The following PPFIA2 variants were observed in gnomAD, a reference collection of about 807,000 sequenced individuals.
PPFIA2 encodes the protein liprin-alpha-2.
Under a neutral mutation model 175.5 loss-of-function variants are expected in PPFIA2, and 46 were observed. The ratio of observed to expected loss-of-function variants is 0.26; its 90% CI spans 0.21 to 0.34. PPFIA2 has a LOEUF of 0.34. Ranked by LOEUF, PPFIA2 falls within the 10% of genes least tolerant of loss-of-function variation. The probability of loss-of-function intolerance (pLI) is 1.00; values close to 1 mark genes in which losing one functional copy is unlikely to be tolerated. For synonymous variants in PPFIA2, 568 were observed against 511.4 expected (o/e 1.11, Z -1.49); for missense variants, 1,179 against 1,506.1 (o/e 0.78, Z 3.60).
chr12:81,718,815 G>A (rs1235247502), intron 3 of PPFIA2, among the ~76,000 whole-genome samples: 1 of 151,618 alleles, frequency 6.6e-6, no homozygotes, highest in African/African-American at 2.4e-5. Flanking sequence ...AGAGACAGCT[G>A]GCTGATGCAC....
chr12:81,675,842 A>G (rs2072406282), intron 4 of PPFIA2, among the ~76,000 whole-genome samples: 1 of 152,082 alleles, frequency 6.6e-6, no homozygotes, highest in African/African-American at 2.4e-5. Context: ...ATTTTTCCAC[A>G]TAAATACTTA....
At chr12:81,312,610 A>G (rs571858543) in intron 22 of PPFIA2, among the ~76,000 whole-genome samples, 19 of 152,308 alleles carry the variant, frequency 1.2e-4, no homozygotes, top group African/African-American at 4.3e-4. Context: ...GCCCAAGAAA[A>G]AAGAACAGCA....
At chr12:81,541,576 T>C (rs1257362053) in intron 4 of PPFIA2, among the ~76,000 whole-genome samples, 3 of 152,038 alleles carry the variant, frequency 2.0e-5, no homozygotes, top group Non-Finnish European at 2.9e-5. Context: ...CTTCTTTTGT[T>C]GAAAAATAAA....
intron 21 of PPFIA2, among the ~76,000 whole-genome samples, chr12:81,329,883 G>A (rs1284810046): frequency 6.6e-6 from 1 of 152,202 alleles, no homozygotes; most frequent in Non-Finnish European, 1.5e-5. Flanking sequence ...GGTCTCAGCT[G>A]GGGGTGCCTT....
At chr12:81,327,623 A>G (rs898905876) in intron 21 of PPFIA2, among the ~76,000 whole-genome samples, 1 of 152,168 alleles carries the variant, frequency 6.6e-6, no homozygotes, top group African/African-American at 2.4e-5. Context: ...GACATATTCA[A>G]TAAACAAGGA....
intron 4 of PPFIA2, among the ~76,000 whole-genome samples, chr12:81,540,314 G>T (rs540278031): frequency 4.6e-5 from 7 of 152,004 alleles, no homozygotes; most frequent in Non-Finnish European, 8.8e-5. Context: ...AGAATGGAAA[G>T]AGCTATGTTT....
chr12:81,564,476 T>C (rs1490762943), intron 4 of PPFIA2, among the ~76,000 whole-genome samples: 1 of 152,162 alleles, frequency 6.6e-6, no homozygotes, highest in Non-Finnish European at 1.5e-5. Context: ...TGAACTGCTA[T>C]TAAGGATGGA....
intron 3 of PPFIA2, among the ~76,000 whole-genome samples, chr12:81,736,470 G>A (rs914886248): frequency 1.3e-5 from 2 of 151,842 alleles, no homozygotes; most frequent in Non-Finnish European, 2.9e-5. Context: ...TTTTAATAAA[G>A]GCAGTAACAC....
chr12:81,384,825 A>G (rs2038571910), intron 8 of PPFIA2, among the ~76,000 whole-genome samples: 1 of 152,170 alleles, frequency 6.6e-6, no homozygotes, highest in South Asian at 2.1e-4. Context: ...ATTGCTATTA[A>G]CATAAAATCA....
intron 5 of PPFIA2, among the ~76,000 whole-genome samples, chr12:81,454,006 C>T (rs1306436872): frequency 1.3e-5 from 2 of 152,060 alleles, no homozygotes; most frequent in Admixed American, 6.6e-5. Flanking sequence ...CTGCTTGAGC[C>T]CAGGAGTTCG....
intron 4 of PPFIA2, among the ~76,000 whole-genome samples, chr12:81,519,178 A>T (rs2062815487): frequency 1.3e-5 from 2 of 152,204 alleles, no homozygotes; most frequent in African/African-American, 4.8e-5. Context: ...TCAAAGATTA[A>T]AAATATATGA....
intron 3 of PPFIA2, among the ~76,000 whole-genome samples, chr12:81,710,709 A>ACTTCTTTTCCCATTTAT (rs1555626230): frequency 6.8e-6 from 1 of 147,482 alleles, no homozygotes; most frequent in Admixed American, 7.7e-5. Flanking sequence ...ATATTTTCAT[A>ACTTCTTTTCCCATTTAT]TAATATTTTA....
At chr12:81,511,593 T>C (rs1489438724) in intron 4 of PPFIA2, among the ~76,000 whole-genome samples, 2 of 152,226 alleles carry the variant, frequency 1.3e-5, no homozygotes, top group South Asian at 2.1e-4. Flanking sequence ...CTATTTCCTC[T>C]ATACTGTAGG....
intron 12 of PPFIA2, 26 bp downstream of exon 12, chr12:81,369,085 G>A (rs2034385755): frequency 1.3e-6 from 2 of 1,525,680 alleles, no homozygotes; most frequent in South Asian, 1.2e-5. Flanking sequence ...CAATGATTGG[G>A]GGGTAATAGT....
At chr12:81,319,337 T>A (rs993527013) in intron 22 of PPFIA2, among the ~76,000 whole-genome samples, 4 of 151,738 alleles carry the variant, frequency 2.6e-5, no homozygotes, top group African/African-American at 7.2e-5. Flanking sequence ...ATCCTTGGGA[T>A]ATTATTATTA....
chr12:81,345,148 T>C (rs1352246755), intron 18 of PPFIA2, among the ~76,000 whole-genome samples: 1 of 152,170 alleles, frequency 6.6e-6, no homozygotes, highest in Non-Finnish European at 1.5e-5. Context: ...TTTGGGCAGA[T>C]GTGCTGTTCC....
At chr12:81,313,947 TAAAC>T (rs1002055444) in intron 22 of PPFIA2, among the ~76,000 whole-genome samples, 47 of 151,922 alleles carry the variant, frequency 3.1e-4, no homozygotes, top group African/African-American at 1.1e-3. Flanking sequence ...AATATGAAAA[TAAAC>T]AGAAAACACA....
chr12:81,260,515 A>G (rs1024742587), intron 32 of PPFIA2: 6 of 152,238 alleles, frequency 3.9e-5, no homozygotes, highest in Non-Finnish European at 7.3e-5. Context: ...CCTCTTATTT[A>G]GCCAAATTAT....
At chr12:81,596,558 A>C (rs1263195383) in intron 4 of PPFIA2, among the ~76,000 whole-genome samples, 1 of 152,110 alleles carries the variant, frequency 6.6e-6, no homozygotes. Flanking sequence ...GAAAGGTGTC[A>C]GTAAGATCTT....
Sources: allele counts gnomAD v4.1 joint callset (sites outside exome capture counted in the v4.1 genomes callset), GRCh38; gene constraint gnomAD v4.1.1; transcripts MANE v1.5; gene names NCBI Gene and HGNC (gene_info 2026-07-23, HGNC 2026-07-21).